Variants in DMD observed in about 807,000 individuals in gnomAD.
The protein encoded by DMD is mutant dystrophin.
Under a neutral mutation model 330.1 loss-of-function variants are expected in DMD, and 63 were observed. That is an observed-to-expected ratio of 0.19 (90% confidence interval 0.16 to 0.24). DMD has a LOEUF of 0.24. Ranked by LOEUF, DMD falls within the 10% of genes least tolerant of loss-of-function variation. The probability of loss-of-function intolerance (pLI) is 1.00; values close to 1 mark genes in which losing one functional copy is unlikely to be tolerated. For synonymous variants in DMD, 1,223 were observed against 959.8 expected, an observed-to-expected ratio of 1.27 and a Z score of -5.07; for missense variants, 3,344 against 2,684.1, an observed-to-expected ratio of 1.25 and a Z score of -5.43.
intron 4 of DMD, among the ~76,000 whole-genome samples, chrX:32,824,539 T>TA (rs2078534379): frequency 9.0e-6 from 1 of 111,660 alleles, no homozygotes; most frequent in Admixed American, 9.5e-5. Context: ...ATGAGAGTCT[T>TA]GAAAAGACAA....
intron 2 of DMD, among the ~76,000 whole-genome samples, chrX:32,864,384 A>C (rs962210736): frequency 2.7e-5 from 3 of 112,455 alleles, no homozygotes; most frequent in African/African-American, 9.7e-5. Context: ...CTGCTGTTTA[A>C]GCTGGGCTTG....
chrX:33,205,806 T>A (rs1400726836), intron 1 of DMD, among the ~76,000 whole-genome samples: 1 of 112,176 alleles, frequency 8.9e-6, no homozygotes, highest in Admixed American at 9.5e-5. Context: ...ATTTTCATGA[T>A]AGTGAAGACA....
chrX:32,628,506 C>G (rs2058522075), intron 11 of DMD, among the ~76,000 whole-genome samples: 1 of 107,813 alleles, frequency 9.3e-6, no homozygotes, highest in South Asian at 4.1e-4. Context: ...TTTTGTTGTA[C>G]TTTAATGTAT....
At chrX:32,795,629 G>GA (rs2148657894) in intron 7 of DMD, among the ~76,000 whole-genome samples, 1 of 112,076 alleles carries the variant, frequency 8.9e-6, no homozygotes, top group Non-Finnish European at 1.9e-5. Flanking sequence ...TGTAGAAAAT[G>GA]AAAGAGCTTC....
In DMD at chrX:32,667,078, A is replaced by G. The variant is rs2061350603; in HGVS notation, c.961-21926T>C. On this transcript the variant is annotated intron_variant, in intron 9 of 78. Coordinates refer to ENST00000357033, the MANE Select transcript of DMD (RefSeq NM_004006.3). ...TATGGCATATATGCAATTGAATATT[A>G]TTCAGTCCTTAAAAAAAGAATGAAA... Among the ~76,000 whole-genome samples the G allele has an allele frequency of 5.4e-5, 6 of 111,525 alleles. No individual in the cohort carries two copies. In the South Asian group the frequency reaches 2.3e-3, roughly 42 times the overall value.
At chrX:32,790,805 T>C (rs1437564537) in intron 7 of DMD, among the ~76,000 whole-genome samples, 2 of 111,336 alleles carry the variant, frequency 1.8e-5, no homozygotes, top group East Asian at 5.7e-4. Flanking sequence ...TTATGGCTGC[T>C]CCCAAGGAAA....
At chrX:31,183,913 AT>A (rs56788430) in intron 67 of DMD, among the ~76,000 whole-genome samples, 17,453 of 99,857 alleles carry the variant, frequency 0.17, 1,273 homozygotes, top group African/African-American at 0.2. Context: ...ATTAAATACA[AT>A]TTTTTTTTTT....
In DMD at chrX:32,734,565, C is replaced by T. The variant is rs867474507; in HGVS notation, c.650-35272G>A. 1.3e-4 allele frequency among the ~76,000 whole-genome samples: 13 copies of T among 103,551 alleles called. No individual in the cohort carries two copies. The South Asian group carries it at 4.9e-3, about 39-fold the overall frequency. 89.9% of individuals were successfully genotyped at this position (103,551 alleles called of 115,157 possible). A position where few individuals can be genotyped will look rare whatever the true frequency, so the allele number is the denominator to read the frequency against. On this transcript the variant is annotated intron_variant, in intron 7 of 78. Transcript: ENST00000357033. ...GCAGCACATCAAAAAGCTTATCCAC[C>T]ATGATCAAGTGGGCTTCATCCCTGG...
intron 60 of DMD, among the ~76,000 whole-genome samples, chrX:31,433,379 T>C (rs1316023811): frequency 1.8e-5 from 2 of 111,493 alleles, no homozygotes; most frequent in Non-Finnish European, 3.8e-5. Context: ...GTCTTTTTGG[T>C]AGAAAAATTT....
At chrX:32,205,002 CTCTCACAT>C (rs1443143980) in intron 44 of DMD, among the ~76,000 whole-genome samples, 16 of 45,982 alleles carry the variant, frequency 3.5e-4, no homozygotes, top group African/African-American at 1.2e-3. Flanking sequence ...CTCTCTCTCT[CTCTCACAT>C]ACACACACAC....
rs1642854865 is a variant in DMD at position 31,119,590 on chromosome X, A to T, written c.*2329T>A. On this transcript the variant is annotated 3_prime_UTR_variant, in exon 79 of 79. Transcript: ENST00000357033. ...AATTTTTGTTCAAATATTATGACAGACTCACTCCAGAGCTAATGTGTCTAA... is the reference window on the plus strand; with the variant it reads ...AATTTTTGTTCAAATATTATGACAGTCTCACTCCAGAGCTAATGTGTCTAA... The T allele has an allele frequency of 8.9e-6, 1 of 112,601 alleles. No individual in the cohort carries two copies. Among genetic ancestry groups the T allele is most frequent in the Non-Finnish European group, 1.9e-5 (1 of 53,180 alleles). 9.3% of individuals were successfully genotyped at this position (112,601 alleles called of 1,213,427 possible). A position where few individuals can be genotyped will look rare whatever the true frequency, so the allele number is the denominator to read the frequency against.
intron 76 of DMD, among the ~76,000 whole-genome samples, chrX:31,137,087 C>T (rs1441223540): frequency 1.8e-5 from 2 of 111,047 alleles, no homozygotes; most frequent in East Asian, 2.8e-4. Context: ...GGTGGAATCT[C>T]GGCTAGCTGC....
intron 3 of DMD, among the ~76,000 whole-genome samples, chrX:32,848,432 A>T (rs1302463205): frequency 4.5e-5 from 5 of 111,772 alleles, no homozygotes; most frequent in Non-Finnish European, 9.4e-5. Context: ...TGATGACCTC[A>T]AATTGGCGCC....
chrX:32,860,673 C>T (rs190951262), intron 2 of DMD, among the ~76,000 whole-genome samples: 6 of 110,476 alleles, frequency 5.4e-5, no homozygotes, highest in Non-Finnish European at 9.4e-5. Flanking sequence ...GGAAAGTACA[C>T]GTCTTAAGTG....
At chrX:32,587,215 GT>G (rs2054391907) in intron 13 of DMD, among the ~76,000 whole-genome samples, 1 of 111,703 alleles carries the variant, frequency 9.0e-6, no homozygotes, top group Non-Finnish European at 1.9e-5. Context: ...ACCTTTCACA[GT>G]ATAGCATTTT....
At chrX:31,947,418 CCAGT>C (rs1201279503) in intron 45 of DMD, among the ~76,000 whole-genome samples, 3 of 112,087 alleles carry the variant, frequency 2.7e-5, no homozygotes, top group Non-Finnish European at 3.8e-5. Context: ...AGCCATGTGC[CCAGT>C]CAACTTTTAA....
At chrX:31,326,619 A>G (rs902495221) in intron 61 of DMD, among the ~76,000 whole-genome samples, 3 of 109,999 alleles carry the variant, frequency 2.7e-5, no homozygotes, top group African/African-American at 9.9e-5. Context: ...GGAAAATAAC[A>G]ACAGCCTCCC....
intron 50 of DMD, among the ~76,000 whole-genome samples, chrX:31,790,462 T>C (rs1428088791): frequency 8.9e-6 from 1 of 111,920 alleles, no homozygotes; most frequent in Non-Finnish European, 1.9e-5. Context: ...TTTATTATTA[T>C]GATAAAAATG....
chrX:31,916,474 A>C (rs2094609929), intron 47 of DMD, among the ~76,000 whole-genome samples: 1 of 112,076 alleles, frequency 8.9e-6, no homozygotes, highest in African/African-American at 3.2e-5. Context: ...TGAGTATCTA[A>C]AGTCAGGCTC....
Sources: gnomAD v4.1 joint callset for allele counts (sites outside exome capture counted in the v4.1 genomes callset) on GRCh38, gnomAD v4.1.1 for gene constraint, MANE v1.5 for transcripts, NCBI Gene and HGNC (gene_info 2026-07-23, HGNC 2026-07-21) for gene names.